PDE4D: variants seen among roughly 807,000 people sequenced by gnomAD.
PDE4D encodes 3',5'-cyclic-AMP phosphodiesterase 4D.
In PDE4D, 24 loss-of-function variants were observed where a neutral mutation model predicts 87.4. That is an observed-to-expected ratio of 0.27 (90% CI 0.20 to 0.39). The LOEUF is 0.39. Ranked by LOEUF, PDE4D falls within the 10% of genes least tolerant of loss-of-function variation. The probability of loss-of-function intolerance (pLI) is 1.00; values close to 1 mark genes in which losing one functional copy is unlikely to be tolerated. For missense variants in PDE4D, 714 were observed against 1,041.0 expected (o/e 0.69, Z 4.32); for synonymous variants, 384 against 383.2 (o/e 1.00, Z -0.02).
At chr5:59,021,899 T>C (rs1293632601) in intron 6 of PDE4D, among the ~76,000 whole-genome samples, 8 of 152,164 alleles carry the variant, frequency 5.3e-5, no homozygotes, top group African/African-American at 1.4e-4. Context: ...CCCATTTCAG[T>C]TTGTACCTTG....
intron 1 of PDE4D, among the ~76,000 whole-genome samples, chr5:59,247,048 T>C (rs978020457): frequency 2.0e-5 from 3 of 152,172 alleles, no homozygotes; most frequent in African/African-American, 7.2e-5. Context: ...CACACACATA[T>C]ACATTCATGC....
At chr5:60,496,247 T>A (rs556795029) in intron 1 of PDE4D, among the ~76,000 whole-genome samples, 1 of 152,202 alleles carries the variant, frequency 6.6e-6, no homozygotes, top group Non-Finnish European at 1.5e-5. Flanking sequence ...AGAACATAAA[T>A]AACAAAAGCT....
At chr5:59,113,810 C>A (rs1174256579) in intron 5 of PDE4D, among the ~76,000 whole-genome samples, 2 of 152,058 alleles carry the variant, frequency 1.3e-5, no homozygotes, top group Non-Finnish European at 2.9e-5. Flanking sequence ...GAAATAAGAA[C>A]AATAATGTAT....
intron 5 of PDE4D, among the ~76,000 whole-genome samples, chr5:59,058,768 G>C (rs2153409813): frequency 6.6e-6 from 1 of 151,690 alleles, no homozygotes; most frequent in African/African-American, 2.4e-5. Flanking sequence ...AGAGACTCTT[G>C]GTGGAAGAAA....
intron 5 of PDE4D, among the ~76,000 whole-genome samples, chr5:59,116,478 G>A (rs892562526): frequency 6.6e-6 from 1 of 152,096 alleles, no homozygotes; most frequent in South Asian, 2.1e-4. Context: ...CGAGGTACAC[G>A]TATATTTTAC....
chr5:60,501,043 A>G (rs1048261622), intron 1 of PDE4D, among the ~76,000 whole-genome samples: 9 of 151,936 alleles, frequency 5.9e-5, no homozygotes, highest in Admixed American at 5.2e-4. Context: ...GTACATGTGC[A>G]CAATGTGCAG....
intron 3 of PDE4D, among the ~76,000 whole-genome samples, chr5:59,929,226 C>T (rs1282517598): frequency 6.6e-6 from 1 of 152,050 alleles, no homozygotes; most frequent in Non-Finnish European, 1.5e-5. Context: ...TTAGTATAAG[C>T]AAGAAAAGTA....
At position 59,740,698 on chromosome 5, in the gene PDE4D, T is replaced by C. The variant is rs994236388; in HGVS notation, c.455+152470A>G. On this transcript the variant is annotated intron_variant, in intron 1 of 14. Transcript: ENST00000340635. The stretch of plus-strand genomic sequence containing the variant: ...AATGATGCTTCAGCAATCTTAGGAA[T>C]TATTCAGGTAAAGAGGGGCAAGCAC... 4.6e-4 allele frequency among the ~76,000 whole-genome samples: 70 copies of C among 152,116 alleles called. 1 individual carries two copies. The highest frequency in any genetic ancestry group is 1.3e-4 in the Non-Finnish European group (9 of 68,018).
At chr5:60,310,433 G>A (rs1039803104) in intron 1 of PDE4D, among the ~76,000 whole-genome samples, 2 of 152,184 alleles carry the variant, frequency 1.3e-5, no homozygotes, top group Non-Finnish European at 2.9e-5. Context: ...GAGAAGGGAA[G>A]GTTTAAAAAA....
chr5:59,519,208 G>T (rs1490963656), intron 1 of PDE4D, among the ~76,000 whole-genome samples: 1 of 152,050 alleles, frequency 6.6e-6, no homozygotes, highest in East Asian at 1.9e-4. Context: ...AGGCACAGAG[G>T]ATACAACAGT....
chr5:60,376,659 T>A (rs1435582980), intron 1 of PDE4D, among the ~76,000 whole-genome samples: 1 of 152,192 alleles, frequency 6.6e-6, no homozygotes, highest in Non-Finnish European at 1.5e-5. Flanking sequence ...GTGATCCTGG[T>A]CACTCTTCAT....
At chr5:59,035,182 C>T (rs1758288328) in intron 6 of PDE4D, among the ~76,000 whole-genome samples, 2 of 152,210 alleles carry the variant, frequency 1.3e-5, no homozygotes, top group Non-Finnish European at 2.9e-5. Context: ...GCACATTGAC[C>T]ACTAACCCTT....
intron 5 of PDE4D, among the ~76,000 whole-genome samples, chr5:59,044,567 T>A (rs1008425572): frequency 6.6e-6 from 1 of 152,178 alleles, no homozygotes; most frequent in South Asian, 2.1e-4. Context: ...GTAGGTTAGG[T>A]CTAACTTTTG....
intron 1 of PDE4D, among the ~76,000 whole-genome samples, chr5:59,429,679 G>A (rs141178402): frequency 1.3e-5 from 2 of 152,188 alleles, no homozygotes; most frequent in African/African-American, 4.8e-5. Flanking sequence ...TGAAGAAAAT[G>A]ACGTTGTATA....
chr5:59,195,975 G>A (rs1745375914), intron 2 of PDE4D, among the ~76,000 whole-genome samples: 1 of 152,096 alleles, frequency 6.6e-6, no homozygotes, highest in South Asian at 2.1e-4. Context: ...AATGGAAGCA[G>A]GGAGACCAGT....
intron 1 of PDE4D, among the ~76,000 whole-genome samples, chr5:60,447,970 T>C (rs1455824177): frequency 6.6e-6 from 1 of 151,782 alleles, no homozygotes; most frequent in Non-Finnish European, 1.5e-5. Flanking sequence ...ACTCAATTAT[T>C]TGGGTTGGGT....
chr5:60,227,815 T>C (rs1299725234), intron 1 of PDE4D, among the ~76,000 whole-genome samples: 1 of 152,122 alleles, frequency 6.6e-6, no homozygotes, highest in East Asian at 1.9e-4. Flanking sequence ...ATCTCTTAAA[T>C]ATTTCAGTGC....
intron 1 of PDE4D, among the ~76,000 whole-genome samples, chr5:59,442,954 T>C (rs1797860465): frequency 6.6e-6 from 1 of 152,146 alleles, no homozygotes; most frequent in Non-Finnish European, 1.5e-5. Flanking sequence ...CTATACAACA[T>C]TAAAAAGTCA....
chr5:59,821,042 G>C (rs1472070707), intron 1 of PDE4D, among the ~76,000 whole-genome samples: 2 of 152,124 alleles, frequency 1.3e-5, no homozygotes, highest in Non-Finnish European at 2.9e-5. Context: ...GACAATCCTG[G>C]CCAACATGGT....
Sources: allele counts gnomAD v4.1 joint callset (sites outside exome capture counted in the v4.1 genomes callset), GRCh38; gene constraint gnomAD v4.1.1; transcripts MANE v1.5; gene names NCBI Gene and HGNC (gene_info 2026-07-23, HGNC 2026-07-21).